Variants in ANKRD30A observed in about 807,000 individuals in gnomAD.
The protein encoded by ANKRD30A is ankyrin repeat domain-containing protein 30A.
ANKRD30A carries 170 observed loss-of-function variants against 166.3 expected under a neutral mutation model. The observed-to-expected ratio is 1.02, with a 90% CI of 0.90 to 1.16. The LOEUF (loss-of-function observed/expected upper bound fraction) is 1.16, where lower values mean the gene tolerates loss of function less well. Among genes scored for constraint, ANKRD30A ranks in the 50% most tolerant of loss-of-function variants. The pLI is 0.00. For synonymous variants in ANKRD30A, 564 were observed against 508.9 expected, an observed-to-expected ratio of 1.11 and a Z score of -1.46; for missense variants, 1,630 against 1,518.0, an observed-to-expected ratio of 1.07 and a Z score of -1.23.
At chr10:37,147,299 A>T in intron 8 of ANKRD30A, 71 bp from the exon 9 acceptor site, 1 of 1,214,402 alleles carries the variant, frequency 8.2e-7, no homozygotes. Context: ...AGTTTAAAAA[A>T]TATTTTAATT....
Position 37,132,317 on chromosome 10 carries a change from A to G in ANKRD30A, c.588A>G (p.Ala196=). ...TGGAATTTTTGCTGATAAAAAATGC[A>G]AATGCGAATGCAGTTAATAAGTATA... The part of the protein sequence containing the change: ...QIVEFLLIKN[A]NANAVNKYKC... Residue 196 remains alanine, a synonymous_variant, in exon 4 of 36, where the codon GCA becomes GCG. Coordinates refer to ENST00000361713, the MANE Select transcript of ANKRD30A (RefSeq NM_052997.3). 1 of 1,603,296 alleles carries G rather than the reference A, an allele frequency of 6.2e-7. No homozygotes were observed. The highest frequency in any genetic ancestry group is 8.5e-7 in the Non-Finnish European group (1 of 1,174,526).
intron 12 of ANKRD30A, among the ~76,000 whole-genome samples, 179 bp from the exon 13 acceptor site, chr10:37,153,388 AGAGAG>A (rs1838108037): frequency 1.3e-5 from 2 of 152,252 alleles, no homozygotes; most frequent in Admixed American, 1.3e-4. Flanking sequence ...AGCTTGATGT[AGAGAG>A]GGTTGTGTGA....
At chr10:37,236,714 G>A (rs1451015311), downstream of ANKRD30A, among the ~76,000 whole-genome samples, 17 of 152,198 alleles carry the variant, frequency 1.1e-4, 1 homozygote, top group Admixed American at 1.0e-3. Flanking sequence ...ATGACAAGAG[G>A]TTAGATAGAA....
At chr10:37,265,289 T>C in the ANKRD30A span, among the ~76,000 whole-genome samples, 1 of 152,194 alleles carries the variant, frequency 6.6e-6, no homozygotes, top group African/African-American at 2.4e-5. Context: ...CTTGGCAATC[T>C]TGTGGTCCAT....
chr10:37,157,724 G>A (rs1482564087), intron 13 of ANKRD30A, among the ~76,000 whole-genome samples: 1 of 152,050 alleles, frequency 6.6e-6, no homozygotes, highest in Non-Finnish European at 1.5e-5. Flanking sequence ...AAGTGGATCA[G>A]GAAATTTTAA....
the ANKRD30A span, among the ~76,000 whole-genome samples, chr10:37,247,770 T>A: frequency 6.7e-6 from 1 of 148,960 alleles, no homozygotes; most frequent in East Asian, 2.0e-4. Flanking sequence ...TAGTCCCAGC[T>A]ACTCCGGAGG....
chr10:37,248,125 C>T, the ANKRD30A span: 1 of 602,086 alleles, frequency 1.7e-6, no homozygotes, highest in Non-Finnish European at 3.3e-6. Context: ...CAGATTTTCA[C>T]CGCTATGCCT....
rs1450346047 is a variant in ANKRD30A, at chr10:37,191,421, A to C, written c.2513-1643A>C. ...GGCTTCTCAATGACAGGACATATTA[A>C]AGAACATGATGAATGTTTGTAATGC... On this transcript the variant is annotated intron_variant, in intron 25 of 35. Transcript: ENST00000361713. 5.3e-5 allele frequency among the ~76,000 whole-genome samples: 8 copies of C among 152,112 alleles called. 2 individuals carry two copies. In the East Asian group the frequency reaches 1.5e-3, roughly 29 times the overall value.
At chr10:37,130,078 C>T (rs1464308351) in intron 2 of ANKRD30A, 71 bp downstream of exon 2, 1 of 1,233,710 alleles carries the variant, frequency 8.1e-7, no homozygotes, top group Admixed American at 3.7e-5. Context: ...ATGAATTTAT[C>T]TCATTGAAAT....
intron 12 of ANKRD30A, among the ~76,000 whole-genome samples, 197 bp from the exon 13 acceptor site, chr10:37,153,375 A>G (rs1480510378): frequency 1.3e-5 from 2 of 152,144 alleles, no homozygotes; most frequent in African/African-American, 4.8e-5. Flanking sequence ...GAATGTAAAG[A>G]TCAGCTTGAT....
intron 31 of ANKRD30A, among the ~76,000 whole-genome samples, chr10:37,207,622 C>G (rs1203524601): frequency 6.6e-6 from 1 of 151,330 alleles, no homozygotes; most frequent in Non-Finnish European, 1.5e-5. Flanking sequence ...TCACTTATGG[C>G]TATTATTTTT....
At chr10:37,205,770 A>G (rs118068392) in intron 31 of ANKRD30A, among the ~76,000 whole-genome samples, 2 of 152,338 alleles carry the variant, frequency 1.3e-5, no homozygotes, top group Non-Finnish European at 2.9e-5. Flanking sequence ...TCAAACTTTA[A>G]GAAATGAGCT....
chr10:37,171,355 C>G (rs1467110903), intron 21 of ANKRD30A, among the ~76,000 whole-genome samples: 3 of 146,932 alleles, frequency 2.0e-5, no homozygotes, highest in East Asian at 3.9e-4. Context: ...GCTTCATTCA[C>G]TGTTAGAAAT....
At chr10:37,264,624 A>T in the ANKRD30A span, 1 of 319,790 alleles carries the variant, frequency 3.1e-6, no homozygotes, top group Admixed American at 3.6e-5. Context: ...ATTGCCCCAA[A>T]TATGAGAGGA....
At chr10:37,192,611 A>G (rs16937416) in intron 25 of ANKRD30A, among the ~76,000 whole-genome samples, 2,041 of 152,162 alleles carry the variant, frequency 0.013, 55 homozygotes, top group East Asian at 0.096. Flanking sequence ...GAAGAACATA[A>G]TAGCAACATG....
chr10:37,159,722 T>G (rs974500058), intron 15 of ANKRD30A, among the ~76,000 whole-genome samples: 2 of 152,184 alleles, frequency 1.3e-5, no homozygotes, highest in Non-Finnish European at 2.9e-5. Context: ...TTTGTTTTTG[T>G]TTTTTTGAGA....
At chr10:37,157,315 G>A (rs1462599555) in intron 13 of ANKRD30A, among the ~76,000 whole-genome samples, 1 of 152,170 alleles carries the variant, frequency 6.6e-6, no homozygotes, top group Non-Finnish European at 1.5e-5. Flanking sequence ...TTGTAACATT[G>A]AAATATGCAG....
chr10:37,251,320 A>G, the ANKRD30A span, among the ~76,000 whole-genome samples: 2 of 152,084 alleles, frequency 1.3e-5, no homozygotes, highest in Non-Finnish European at 2.9e-5. Flanking sequence ...TTCTTATTAC[A>G]CCCTTAATTG....
chr10:37,259,553 A>C, the ANKRD30A span, among the ~76,000 whole-genome samples: 138 of 152,362 alleles, frequency 9.1e-4, no homozygotes, highest in African/African-American at 3.1e-3. Context: ...TGTTCATAGC[A>C]GCATTATTTG....
Sources: gnomAD v4.1 joint callset for allele counts (sites outside exome capture counted in the v4.1 genomes callset) on GRCh38, gnomAD v4.1.1 for gene constraint, MANE v1.5 for transcripts, NCBI Gene and HGNC (gene_info 2026-07-23, HGNC 2026-07-21) for gene names.